The following PCDH11X variants were observed in gnomAD, a reference collection of about 807,000 sequenced individuals.
PCDH11X encodes the protein protocadherin 11 X-linked.
In PCDH11X, 18 loss-of-function variants were observed where a neutral mutation model predicts 53.3. The observed-to-expected ratio is 0.34, with a 90% CI of 0.23 to 0.50. PCDH11X has a LOEUF of 0.50. PCDH11X is among the 20% of genes least tolerant of loss of function. PCDH11X has a pLI of 0.98. For missense variants in PCDH11X, 570 were observed against 1,032.4 expected (o/e 0.55, Z 6.14); for synonymous variants, 279 against 393.3 (o/e 0.71, Z 3.44).
chrX:92,100,727 G>A (rs1381211237), intron 6 of PCDH11X, among the ~76,000 whole-genome samples: 2 of 109,930 alleles, frequency 1.8e-5, no homozygotes, highest in Non-Finnish European at 3.8e-5. Context: ...AAACAAAATA[G>A]TGTTGAAGTG....
At chrX:92,331,279 TTTCTTC>T (rs757045963) in intron 8 of PCDH11X, among the ~76,000 whole-genome samples, 3,677 of 53,192 alleles carry the variant, frequency 0.069, 150 homozygotes, top group Non-Finnish European at 0.089. Flanking sequence ...CCTCCTCCTC[TTTCTTC>T]TTCTTCTTCT....
intron 6 of PCDH11X, among the ~76,000 whole-genome samples, chrX:92,156,639 A>T (rs1387043827): frequency 8.0e-5 from 9 of 112,209 alleles, no homozygotes; most frequent in African/African-American, 2.6e-4. Context: ...TGTATGGCCT[A>T]GAATAGGCAC....
chrX:92,506,958 G>C (rs910919792), intron 10 of PCDH11X, among the ~76,000 whole-genome samples: 3 of 109,841 alleles, frequency 2.7e-5, no homozygotes, highest in African/African-American at 1.0e-4. Flanking sequence ...ATGTTGCCAG[G>C]AATGTATCAA....
chrX:91,879,740 A>G (rs1939803736), intron 6 of PCDH11X: 2 of 772,768 alleles, frequency 2.6e-6, no homozygotes, highest in South Asian at 1.2e-4. Flanking sequence ...GAAATTCAGC[A>G]CCAAGTTATT....
At chrX:92,247,659 A>G (rs2067376307) in intron 7 of PCDH11X, among the ~76,000 whole-genome samples, 1 of 111,136 alleles carries the variant, frequency 9.0e-6, no homozygotes, top group Non-Finnish European at 1.9e-5. Flanking sequence ...CACCACTCCA[A>G]TCTCTGCCTC....
intron 6 of PCDH11X, among the ~76,000 whole-genome samples, chrX:92,165,493 T>C (rs2148266713): frequency 8.9e-6 from 1 of 112,003 alleles, no homozygotes; most frequent in South Asian, 3.8e-4. Flanking sequence ...CTCTATTACA[T>C]ACATAAGTCC....
At chrX:92,029,188 A>T (rs1326458500) in intron 6 of PCDH11X, among the ~76,000 whole-genome samples, 1 of 111,731 alleles carries the variant, frequency 9.0e-6, no homozygotes, top group Non-Finnish European at 1.9e-5. Flanking sequence ...ATTAAAGGAG[A>T]CTTCAGTGGC....
chrX:92,426,428 A>G (rs1333642397), intron 9 of PCDH11X, among the ~76,000 whole-genome samples: 1 of 110,533 alleles, frequency 9.0e-6, no homozygotes, highest in Non-Finnish European at 1.9e-5. Context: ...ATTTTCATCA[A>G]TGTCATGAAT....
intron 9 of PCDH11X, among the ~76,000 whole-genome samples, chrX:92,394,950 A>G (rs1177380237): frequency 8.9e-6 from 1 of 111,838 alleles, no homozygotes; most frequent in South Asian, 3.7e-4. Context: ...ATGAATAACT[A>G]TAGACCATCT....
chrX:91,888,970 A>G (rs1321666613), intron 6 of PCDH11X, among the ~76,000 whole-genome samples: 2 of 112,275 alleles, frequency 1.8e-5, no homozygotes, highest in African/African-American at 6.5e-5. Flanking sequence ...AGAATTGATC[A>G]TAAACAACTG....
At chrX:92,206,182 C>T (rs1221160153) in intron 7 of PCDH11X, among the ~76,000 whole-genome samples, 1 of 111,807 alleles carries the variant, frequency 8.9e-6, no homozygotes, top group African/African-American at 3.2e-5. Context: ...GGTATTATTA[C>T]AGGCAAAGTA....
intron 6 of PCDH11X, among the ~76,000 whole-genome samples, chrX:92,048,349 G>C (rs2063322573): frequency 9.1e-6 from 1 of 109,478 alleles, no homozygotes; most frequent in Non-Finnish European, 1.9e-5. Context: ...AAAACTTTGA[G>C]ACGAAAGAAC....
intron 6 of PCDH11X, among the ~76,000 whole-genome samples, chrX:91,979,028 A>G (rs1238698952): frequency 8.9e-6 from 1 of 111,999 alleles, no homozygotes; most frequent in Non-Finnish European, 1.9e-5. Flanking sequence ...TAAATCAAAT[A>G]TGTTGAATTT....
At chrX:91,881,106 T>C (rs1489564599) in intron 6 of PCDH11X, among the ~76,000 whole-genome samples, 7 of 110,426 alleles carry the variant, frequency 6.3e-5, no homozygotes, top group Non-Finnish European at 1.3e-4. Flanking sequence ...CACAGAGATA[T>C]TTTATGAGCT....
intron 8 of PCDH11X, among the ~76,000 whole-genome samples, chrX:92,287,203 G>T (rs771109736): frequency 9.0e-6 from 1 of 110,950 alleles, no homozygotes; most frequent in East Asian, 2.8e-4. Context: ...TAAGTTTCAG[G>T]ATACATGTGC....
rs755103748 is a variant in PCDH11X at position 91,985,009 on chromosome X, C to T, written c.3033+105736C>T. On this transcript the variant is annotated intron_variant, in intron 6 of 10. Transcript: ENST00000682573. Reference sequence around the variant, plus strand: ...TGCACACCCGCCACCACAACATCATCGCTAGGGCAGCCTTGATGTCAGGAC... The same window carrying T: ...TGCACACCCGCCACCACAACATCATTGCTAGGGCAGCCTTGATGTCAGGAC... 4.5e-5 allele frequency among the ~76,000 whole-genome samples: 5 copies of T among 111,519 alleles called. No individual in the cohort carries two copies. The South Asian group carries it at 1.5e-3, about 34-fold the overall frequency.
chrX:91,907,993 A>G, intron 6 of PCDH11X, among the ~76,000 whole-genome samples: 1 of 111,790 alleles, frequency 8.9e-6, no homozygotes, highest in Non-Finnish European at 1.9e-5. Context: ...ATAGTGTTCC[A>G]TGGTATACAT....
intron 8 of PCDH11X, among the ~76,000 whole-genome samples, chrX:92,326,622 C>CTATATATATATATATAA (rs1556365344): frequency 2.2e-5 from 1 of 45,814 alleles, no homozygotes; most frequent in African/African-American, 1.5e-4. Flanking sequence ...TTTTAATAAA[C>CTATATATATATATATAA]TATATATATA....
intron 10 of PCDH11X, among the ~76,000 whole-genome samples, chrX:92,516,017 C>T (rs753658449): frequency 9.6e-4 from 108 of 111,941 alleles, no homozygotes; most frequent in African/African-American, 3.4e-3. Flanking sequence ...AGAGGAAAGA[C>T]TCATAGACCT....
Sources: gnomAD v4.1 joint callset for allele counts (sites outside exome capture counted in the v4.1 genomes callset) on GRCh38, gnomAD v4.1.1 for gene constraint, MANE v1.5 for transcripts, NCBI Gene and HGNC (gene_info 2026-07-23, HGNC 2026-07-21) for gene names.